Variants in SYTL2 observed in about 807,000 individuals in gnomAD.
SYTL2 encodes synaptotagmin like 2.
SYTL2 carries 165 observed loss-of-function variants against 198.7 expected under a neutral mutation model. That is an observed-to-expected ratio of 0.83 (90% CI 0.73 to 0.94). SYTL2 has a LOEUF of 0.94. Ranked by LOEUF, SYTL2 falls within the 40% of genes least tolerant of loss-of-function variation. The probability of loss-of-function intolerance (pLI) is 0.00; values close to 1 mark genes in which losing one functional copy is unlikely to be tolerated. For missense variants in SYTL2, 2,835 were observed against 2,582.8 expected (o/e 1.10, Z -2.12); for synonymous variants, 966 against 917.7 (o/e 1.05, Z -0.95).
chr11:85,744,703 A>C (rs151057317), intron 4 of SYTL2, among the ~76,000 whole-genome samples: 18 of 152,306 alleles, frequency 1.2e-4, no homozygotes, highest in Non-Finnish European at 2.4e-4. Flanking sequence ...TGATTCAGTG[A>C]CATCCCACCA....
intron 1 of SYTL2, among the ~76,000 whole-genome samples, chr11:85,773,588 G>A (rs984180984): frequency 6.6e-6 from 1 of 151,762 alleles, no homozygotes; most frequent in Non-Finnish European, 1.5e-5. Context: ...ATCAGCCTGA[G>A]CTCTCCTGGA....
chr11:85,748,055 G>C (rs1364601245), intron 3 of SYTL2, among the ~76,000 whole-genome samples: 1 of 152,106 alleles, frequency 6.6e-6, no homozygotes, highest in East Asian at 1.9e-4. Context: ...GGCACCTAAA[G>C]GGCTTCCTAT....
intron 16 of SYTL2, 38 bp from the exon 17 acceptor site, chr11:85,700,631 C>A (rs200235761): frequency 6.7e-7 from 1 of 1,500,778 alleles, no homozygotes; most frequent in Non-Finnish European, 9.3e-7. Context: ...GGGAGACAAA[C>A]TTTTCATCCT....
the SYTL2 span, among the ~76,000 whole-genome samples, chr11:85,818,731 C>T: frequency 2.0e-5 from 3 of 151,942 alleles, no homozygotes; most frequent in Admixed American, 2.0e-4. Flanking sequence ...CGCTCTATCA[C>T]CCAGACTGCA....
chr11:85,707,169 C>T (rs564091869), intron 15 of SYTL2, among the ~76,000 whole-genome samples: 3 of 152,168 alleles, frequency 2.0e-5, no homozygotes, highest in Non-Finnish European at 4.4e-5. Flanking sequence ...TAAGTTACTT[C>T]ATTTCTCCAA....
In SYTL2 at chr11:85,727,027, ACC is replaced by A; in HGVS notation, c.2329_2330del (p.Gly777Ter). 1 of 1,536,374 alleles carries A rather than the reference ACC, an allele frequency of 6.5e-7. No homozygotes were observed. The highest frequency in any genetic ancestry group is 8.7e-7 in the Non-Finnish European group (1 of 1,146,920). On this transcript the variant is annotated frameshift_variant, in exon 8 of 20. Coordinates refer to ENST00000359152, the MANE Select transcript of SYTL2 (RefSeq NM_206927.4). LOFTEE classifies it high-confidence loss of function. ...KPEVQFQQEA[G>X]EVPKNQVQRE... ...TCTGCACTTGGTTCTTGGGAACCTCACCAGCTTCTTGCTGGAATTGGACCTCA... is the reference window on the plus strand; with the variant it reads ...TCTGCACTTGGTTCTTGGGAACCTCAAGCTTCTTGCTGGAATTGGACCTCA...
intron 1 of SYTL2, among the ~76,000 whole-genome samples, chr11:85,793,970 A>G (rs2092767524): frequency 6.6e-6 from 1 of 152,226 alleles, no homozygotes; most frequent in Non-Finnish European, 1.5e-5. Context: ...CTGTTATGCA[A>G]TTCATTAGAG....
chr11:85,815,828 T>C (rs1377805887), upstream of SYTL2, among the ~76,000 whole-genome samples: 1 of 152,238 alleles, frequency 6.6e-6, no homozygotes, highest in East Asian at 1.9e-4. Flanking sequence ...TTATAATTTA[T>C]AACCCTGTGT....
intron 18 of SYTL2, among the ~76,000 whole-genome samples, chr11:85,697,608 G>A (rs2083590267): frequency 6.6e-6 from 1 of 152,194 alleles, no homozygotes; most frequent in Non-Finnish European, 1.5e-5. Flanking sequence ...CACAAAACAG[G>A]TGGGACAAAG....
chr11:85,727,605 G>C lies in SYTL2; in HGVS notation c.1753C>G (p.Pro585Ala). 4.6e-6 allele frequency: 7 copies of C among 1,536,000 alleles called. No homozygotes were observed. Among genetic ancestry groups the C allele is most frequent in the Non-Finnish European group, 6.1e-6 (7 of 1,146,850 alleles). The change falls in exon 8 of 20, where the codon CCT becomes GCT. Residue 585 changes from proline (P) to alanine (A), a missense_variant. Pro to Ala is a conservative substitution (Grantham distance 27). Around this residue, in one of 3 missense-constraint regions of SYTL2, gnomAD observed 2,645 missense variants for 2,381.7 expected, o/e 1.11. Coordinates refer to ENST00000359152, the MANE Select transcript of SYTL2 (RefSeq NM_206927.4). The part of the protein sequence containing the change: ...TLSPSKIELK[P>A]VRSDSPFQAE... ...TGGAATGGTGAGTCAGATCTCACAG[G>C]CTTCAATTCAATTTTGCTGGGTGAT...
intron 7 of SYTL2, among the ~76,000 whole-genome samples, chr11:85,728,295 TA>T (rs1157987873): frequency 6.6e-6 from 1 of 152,194 alleles, no homozygotes; most frequent in African/African-American, 2.4e-5. Flanking sequence ...TTTATTTTAT[TA>T]TTTTTTTTGA....
intron 1 of SYTL2, among the ~76,000 whole-genome samples, chr11:85,806,492 G>A (rs556938769): frequency 6.6e-6 from 1 of 152,278 alleles, no homozygotes; most frequent in African/African-American, 2.4e-5. Flanking sequence ...TCATTATACT[G>A]TATTTCTGTC....
chr11:85,700,471 G>A (rs760578104), intron 17 of SYTL2, 44 bp downstream of exon 17: 3 of 1,463,794 alleles, frequency 2.0e-6, no homozygotes, highest in Non-Finnish European at 1.9e-6. Context: ...GAGAAGGGAG[G>A]GATAAGGAAA....
chr11:85,846,771 G>A, the SYTL2 span, among the ~76,000 whole-genome samples: 6,841 of 140,612 alleles, frequency 0.049, 199 homozygotes, highest in Middle Eastern at 0.11. Flanking sequence ...TCTCGCTGTC[G>A]CCCAGGCTGG....
chr11:85,777,803 G>C (rs1463382259), intron 1 of SYTL2, among the ~76,000 whole-genome samples: 3 of 126,638 alleles, frequency 2.4e-5, no homozygotes, highest in Admixed American at 1.6e-4. Context: ...AGAATTACAG[G>C]TCTTACTTCT....
At chr11:85,844,656 C>T in the SYTL2 span, among the ~76,000 whole-genome samples, 14 of 152,184 alleles carry the variant, frequency 9.2e-5, no homozygotes, top group Admixed American at 7.9e-4. Context: ...TTGCCAGTCA[C>T]TGCAATCTTG....
Position 85,727,565 on chromosome 11 carries a change from A to G in SYTL2, c.1793T>C (p.Met598Thr). ...SDSPFQAEGD[M>T]LVSESCQDNN... is the part of the protein sequence containing the mutation. ...ATCTTGGCAACTTTCAGAAACCAGC[A>G]TATCTCCCTCTGCTTGGAATGGTGA... The change falls in exon 8 of 20, where the codon ATG (methionine) becomes ACG (threonine). Residue 598 changes from methionine to threonine, a missense_variant. Physicochemically the swap from Met to Thr is moderately conservative, Grantham distance 81. This residue lies in a region of SYTL2 where 2,645 missense variants were observed against 2,381.7 expected (regional missense o/e 1.11). Transcript: ENST00000359152. The G allele has an allele frequency of 1.3e-6, 2 of 1,536,050 alleles. No homozygotes were observed. The highest frequency in any genetic ancestry group is 8.7e-7 in the Non-Finnish European group (1 of 1,146,878).
chr11:85,724,308 C>T lies in SYTL2; in HGVS notation c.5050G>A (p.Asp1684Asn). 1 of 1,577,592 alleles carries T rather than the reference C, an allele frequency of 6.3e-7. No individual in the cohort carries two copies. Among genetic ancestry groups the T allele is most frequent in the Non-Finnish European group, 8.6e-7 (1 of 1,165,138 alleles). Reference sequence around the variant, plus strand: ...GCAACCCCACTTTCACTGTCCCTGTCCTCTGGGGGGGTTACAGTTTTAATG... The same window carrying T: ...GCAACCCCACTTTCACTGTCCCTGTTCTCTGGGGGGGTTACAGTTTTAATG... ...GTIKTVTPPE[D>N]RDSESGVAGG... The change falls in exon 8 of 20, where the codon GAC becomes AAC. Residue 1684 changes from aspartate (D) to asparagine (N), a missense_variant. Around this residue, in one of 3 missense-constraint regions of SYTL2, gnomAD observed 2,645 missense variants for 2,381.7 expected, o/e 1.11. Coordinates refer to ENST00000359152, the MANE Select transcript of SYTL2 (RefSeq NM_206927.4).
At chr11:85,740,292 A>C (rs1318330951) in intron 4 of SYTL2, among the ~76,000 whole-genome samples, 5 of 152,074 alleles carry the variant, frequency 3.3e-5, no homozygotes, top group African/African-American at 1.2e-4. Flanking sequence ...CACTTAACCT[A>C]TTCCCAGTCC....
Sources: allele counts gnomAD v4.1 joint callset (sites outside exome capture counted in the v4.1 genomes callset), GRCh38; gene constraint gnomAD v4.1.1; regional missense constraint gnomAD v4.1.1; transcripts MANE v1.5; gene names NCBI Gene and HGNC (gene_info 2026-07-23, HGNC 2026-07-21).